Variants in ABCD2 observed in about 807,000 individuals in gnomAD.
ABCD2 encodes ATP binding cassette subfamily D member 2.
ABCD2 carries 36 observed loss-of-function variants against 70.9 expected under a neutral mutation model. The ratio of observed to expected loss-of-function variants is 0.51; its 90% CI spans 0.39 to 0.67. The LOEUF (loss-of-function observed/expected upper bound fraction) is 0.67. ABCD2 is among the 30% of genes least tolerant of loss of function. ABCD2 has a pLI of 0.00. For missense variants in ABCD2, 729 were observed against 890.2 expected, an observed-to-expected ratio of 0.82 and a Z score of 2.30; for synonymous variants, 304 against 306.9, an observed-to-expected ratio of 0.99 and a Z score of 0.10.
chr12:39,596,913 T>C (rs1941823781), intron 6 of ABCD2, among the ~76,000 whole-genome samples: 1 of 152,190 alleles, frequency 6.6e-6, no homozygotes, highest in Non-Finnish European at 1.5e-5. Context: ...CCCTATATAC[T>C]TTAAATCATC....
intron 9 of ABCD2, among the ~76,000 whole-genome samples, chr12:39,556,344 C>G (rs1171041783): frequency 6.6e-6 from 1 of 152,170 alleles, no homozygotes; most frequent in Non-Finnish European, 1.5e-5. Flanking sequence ...CCATAAGCCC[C>G]ATGTGTCAAG....
intron 6 of ABCD2, among the ~76,000 whole-genome samples, chr12:39,595,976 G>A (rs750309991): frequency 2.6e-5 from 4 of 152,152 alleles, no homozygotes; most frequent in Non-Finnish European, 4.4e-5. Flanking sequence ...TGCAGCAAAC[G>A]AGTAAGGACT....
chr12:39,600,385 T>C (rs1941879940), intron 6 of ABCD2, among the ~76,000 whole-genome samples, 186 bp downstream of exon 6: 1 of 152,170 alleles, frequency 6.6e-6, no homozygotes, highest in South Asian at 2.1e-4. Flanking sequence ...AAAAGTGGTA[T>C]TGTCCTACAG....
chr12:39,538,035 C>T, the ABCD2 span, among the ~76,000 whole-genome samples: 1 of 152,156 alleles, frequency 6.6e-6, no homozygotes, highest in Non-Finnish European at 1.5e-5. Context: ...CCTCCATTTA[C>T]ATAGCGTGTA....
Position 39,550,731 on chromosome 12 carries a change from A to G in ABCD2, c.*3181T>C, listed in dbSNP as rs758676432. 3 of 151,778 alleles carry G rather than the reference A, an allele frequency of 2.0e-5. No individual in the cohort carries two copies. Among genetic ancestry groups the G allele is most frequent in the Non-Finnish European group, 3.0e-5 (2 of 67,704 alleles). 9.4% of individuals were successfully genotyped at this position (151,778 alleles called of 1,614,324 possible). A position where few individuals can be genotyped will look rare whatever the true frequency, so the allele number is the denominator to read the frequency against. On this transcript the variant is annotated 3_prime_UTR_variant, in exon 10 of 10. Coordinates refer to ENST00000308666, the MANE Select transcript of ABCD2 (RefSeq NM_005164.4). The stretch of plus-strand genomic sequence containing the variant: ...TACTTTTCACTTCTAAATGAGGACA[A>G]TTTTGCCCATAAAGTAATTATATCA...
intron 9 of ABCD2, among the ~76,000 whole-genome samples, chr12:39,559,131 GGGAGGCTGA>G (rs1290210636): frequency 6.6e-6 from 1 of 152,030 alleles, no homozygotes; most frequent in African/African-American, 2.4e-5. Flanking sequence ...CCATCACTTC[GGGAGGCTGA>G]GGTGGGTGGA....
intron 4 of ABCD2, 47 bp from the exon 5 acceptor site, chr12:39,604,053 T>G: frequency 7.5e-7 from 1 of 1,334,528 alleles, no homozygotes; most frequent in Non-Finnish European, 1.1e-6. Context: ...CACAGGTTTC[T>G]GATTAAATAA....
intron 7 of ABCD2, among the ~76,000 whole-genome samples, chr12:39,581,026 A>C (rs531663159): frequency 1.6e-4 from 25 of 152,144 alleles, no homozygotes; most frequent in Non-Finnish European, 3.5e-4. Context: ...AACATATATT[A>C]ACTGTTAAAC....
chr12:39,576,215 A>G (rs1366655843), intron 8 of ABCD2, among the ~76,000 whole-genome samples: 1 of 152,190 alleles, frequency 6.6e-6, no homozygotes, highest in East Asian at 1.9e-4. Context: ...GTTGGAGTGC[A>G]GTGGCACCAT....
intron 9 of ABCD2, among the ~76,000 whole-genome samples, chr12:39,570,394 A>T (rs1433181341): frequency 6.6e-6 from 1 of 152,210 alleles, no homozygotes; most frequent in African/African-American, 2.4e-5. Flanking sequence ...AGACACACAG[A>T]CTTAAGGAAT....
At chr12:39,579,874 A>C (rs1326908614) in intron 7 of ABCD2, among the ~76,000 whole-genome samples, 1 of 151,908 alleles carries the variant, frequency 6.6e-6, no homozygotes. Context: ...ACACTTTAAA[A>C]ACTGTGTTTG....
chr12:39,555,293 G>A (rs1039754717), intron 9 of ABCD2, among the ~76,000 whole-genome samples: 1 of 152,090 alleles, frequency 6.6e-6, no homozygotes, highest in African/African-American at 2.4e-5. Flanking sequence ...TATAGAATAT[G>A]TGGCCTTTTG....
At chr12:39,559,740 G>T (rs1052637250) in intron 9 of ABCD2, among the ~76,000 whole-genome samples, 1 of 152,138 alleles carries the variant, frequency 6.6e-6, no homozygotes, top group Admixed American at 6.5e-5. Context: ...CGTGCTGAAG[G>T]GAAAAAACCT....
At chr12:39,572,992 G>A (rs1941468961) in intron 9 of ABCD2, among the ~76,000 whole-genome samples, 1 of 152,164 alleles carries the variant, frequency 6.6e-6, no homozygotes, top group Non-Finnish European at 1.5e-5. Context: ...CTGTAGTACA[G>A]AGTATGTGAT....
Position 39,617,173 on chromosome 12 carries a change from A to C in ABCD2, c.940-5T>G. The C allele has an allele frequency of 6.4e-7, 1 of 1,556,408 alleles. No homozygotes were observed. The highest frequency in any genetic ancestry group is 8.6e-7 in the Non-Finnish European group (1 of 1,156,696). On this transcript the variant is annotated splice_region_variant and splice_polypyrimidine_tract_variant and intron_variant, in intron 1 of 9. Coordinates refer to ENST00000308666, the MANE Select transcript of ABCD2 (RefSeq NM_005164.4). ...CTGAAGTTGTTTCATTTCTACCTAT[A>C]GAGAGGAAAAAGAGTTGAGGACTTT...
the ABCD2 span, among the ~76,000 whole-genome samples, chr12:39,542,915 C>T: frequency 6.6e-6 from 1 of 152,254 alleles, no homozygotes; most frequent in African/African-American, 2.4e-5. Flanking sequence ...CAGAGTGGAA[C>T]AGTGAGAGAA....
intron 1 of ABCD2, among the ~76,000 whole-genome samples, chr12:39,617,922 A>G (rs1942138998): frequency 6.6e-6 from 1 of 152,110 alleles, no homozygotes; most frequent in Non-Finnish European, 1.5e-5. Context: ...AGTATGTATA[A>G]TTGGGCTAAT....
At chr12:39,593,561 A>G (rs1591988351) in intron 6 of ABCD2, among the ~76,000 whole-genome samples, 2 of 152,288 alleles carry the variant, frequency 1.3e-5, no homozygotes, top group East Asian at 3.9e-4. Flanking sequence ...CCAGAACTTC[A>G]TATTTTAAAA....
intron 6 of ABCD2, among the ~76,000 whole-genome samples, chr12:39,589,384 G>GTTT (rs397850115): frequency 2.0e-4 from 25 of 125,110 alleles, no homozygotes; most frequent in South Asian, 7.6e-4. Context: ...TTTGGTCTGG[G>GTTT]TTTTTTTTTT....
Sources: allele counts gnomAD v4.1 joint callset (sites outside exome capture counted in the v4.1 genomes callset), GRCh38; gene constraint gnomAD v4.1.1; transcripts MANE v1.5; gene names NCBI Gene and HGNC (gene_info 2026-07-23, HGNC 2026-07-21).